The following BBS9 variants were observed in gnomAD, a reference collection of about 807,000 sequenced individuals.
BBS9 encodes the protein Bardet-Biedl syndrome 9, also known as protein PTHB1.
Under a neutral mutation model 117.7 loss-of-function variants are expected in BBS9, and 89 were observed. That is an observed-to-expected ratio of 0.76 (90% CI 0.64 to 0.90). The LOEUF (loss-of-function observed/expected upper bound fraction) is 0.90. Among genes scored for constraint, BBS9 ranks in the 40% least tolerant of loss-of-function variants. The probability of loss-of-function intolerance (pLI) is 0.00; values close to 1 mark genes in which losing one functional copy is unlikely to be tolerated. For synonymous variants in BBS9, 379 were observed against 370.9 expected (o/e 1.02, Z -0.25); for missense variants, 982 against 1,042.2 (o/e 0.94, Z 0.80).
At chr7:33,590,459 G>GTTTTTTTGTTTTTGTTTTTTTTTTTTT (rs1554551689) in intron 21 of BBS9, among the ~76,000 whole-genome samples, 3 of 101,506 alleles carry the variant, frequency 3.0e-5, no homozygotes, top group African/African-American at 4.0e-5. Flanking sequence ...TTGTTTTTTT[G>GTTTTTTTGTTTTTGTTTTTTTTTTTTT]TTTTTTTTTT....
intron 20 of BBS9, among the ~76,000 whole-genome samples, chr7:33,512,594 G>C (rs1172210216): frequency 1.3e-5 from 2 of 152,200 alleles, no homozygotes; most frequent in Non-Finnish European, 2.9e-5. Flanking sequence ...TTCCTGGCTA[G>C]AGGTGTGTTT....
chr7:33,561,912 A>C (rs919642539), intron 21 of BBS9, among the ~76,000 whole-genome samples: 2 of 152,228 alleles, frequency 1.3e-5, no homozygotes, highest in Admixed American at 6.5e-5. Context: ...TATTGATTCA[A>C]AGATATTACA....
chr7:33,563,592 G>A (rs1183988900), intron 21 of BBS9, among the ~76,000 whole-genome samples: 1 of 152,116 alleles, frequency 6.6e-6, no homozygotes, highest in African/African-American at 2.4e-5. Flanking sequence ...TGGTGCTTTT[G>A]CTGCCAAAGA....
intron 6 of BBS9, among the ~76,000 whole-genome samples, chr7:33,258,293 G>C (rs1797418602): frequency 6.6e-6 from 1 of 152,190 alleles, no homozygotes; most frequent in Non-Finnish European, 1.5e-5. Context: ...TTATTCCCAA[G>C]ATGGGAAGAA....
chr7:33,285,723 A>G (rs1017251936), intron 9 of BBS9, among the ~76,000 whole-genome samples: 2 of 152,180 alleles, frequency 1.3e-5, no homozygotes, highest in African/African-American at 4.8e-5. Flanking sequence ...CACTACTTTC[A>G]TAAACTGTAG....
chr7:33,212,109 A>G (rs571669395), intron 5 of BBS9, among the ~76,000 whole-genome samples: 6 of 152,200 alleles, frequency 3.9e-5, no homozygotes, highest in African/African-American at 1.2e-4. Flanking sequence ...GAATGTTGAT[A>G]TATTTCTCTA....
At chr7:33,207,216 A>G (rs1787088749) in intron 5 of BBS9, among the ~76,000 whole-genome samples, 2 of 152,200 alleles carry the variant, frequency 1.3e-5, no homozygotes, top group Non-Finnish European at 2.9e-5. Flanking sequence ...TTTGCTTTTC[A>G]TCAACATTCC....
chr7:33,231,286 G>A (rs963035132), intron 5 of BBS9, among the ~76,000 whole-genome samples: 14 of 152,178 alleles, frequency 9.2e-5, no homozygotes, highest in African/African-American at 2.9e-4. Flanking sequence ...CTACAGGCAT[G>A]TGCCACTGTG....
chr7:33,331,238 C>G (rs976645543), intron 9 of BBS9, among the ~76,000 whole-genome samples: 1 of 152,056 alleles, frequency 6.6e-6, no homozygotes, highest in Non-Finnish European at 1.5e-5. Flanking sequence ...GATAAAAACT[C>G]TCAATAAAAT....
At chr7:33,554,887 A>T (rs1261981283) in intron 21 of BBS9, among the ~76,000 whole-genome samples, 1 of 152,312 alleles carries the variant, frequency 6.6e-6, no homozygotes, top group East Asian at 1.9e-4. Flanking sequence ...GAAATTGAAG[A>T]GAAGCAGCCA....
At chr7:33,143,333 C>A (rs1363768481) in intron 1 of BBS9, among the ~76,000 whole-genome samples, 2 of 152,064 alleles carry the variant, frequency 1.3e-5, no homozygotes, top group Non-Finnish European at 2.9e-5. Context: ...TTTTATATTC[C>A]CACCAACAGC....
intron 19 of BBS9, among the ~76,000 whole-genome samples, chr7:33,398,586 A>G (rs184379503): frequency 2.6e-5 from 4 of 152,308 alleles, no homozygotes; most frequent in Admixed American, 2.0e-4. Flanking sequence ...TGTATTCACT[A>G]TCTGTGTGTG....
intron 1 of BBS9, among the ~76,000 whole-genome samples, chr7:33,142,589 A>C (rs10951377): frequency 0.15 from 22,413 of 152,152 alleles, 1,942 homozygotes; most frequent in South Asian, 0.21. Flanking sequence ...ACCTATTAAC[A>C]GTTCTCCTTT....
At chr7:33,164,966 C>T (rs1795432958) in intron 4 of BBS9, among the ~76,000 whole-genome samples, 1 of 152,088 alleles carries the variant, frequency 6.6e-6, no homozygotes, top group African/African-American at 2.4e-5. Flanking sequence ...GTGGCTGATA[C>T]CGGTCTTTCC....
At chr7:33,203,097 G>A (rs1201491352) in intron 5 of BBS9, among the ~76,000 whole-genome samples, 2 of 152,158 alleles carry the variant, frequency 1.3e-5, no homozygotes, top group African/African-American at 4.8e-5. Context: ...TATACTCTGT[G>A]GGCCCACATC....
At chr7:33,178,688 G>A (rs1390067081) in intron 5 of BBS9, among the ~76,000 whole-genome samples, 6 of 151,962 alleles carry the variant, frequency 3.9e-5, no homozygotes, top group African/African-American at 1.5e-4. Flanking sequence ...TGTTTTATGA[G>A]TTCATTGTTT....
Position 33,412,263 on chromosome 7 carries a change from G to A in BBS9, c.2115+24119G>A, listed in dbSNP as rs1024322937. On this transcript the variant is annotated intron_variant, in intron 19 of 22. Transcript: ENST00000242067. ...TTTAGTTGAATTGGATTTTCAGTCTGTTTTTAGTTCATCTCCAGAGTAGGA... is the reference window on the plus strand; with the variant it reads ...TTTAGTTGAATTGGATTTTCAGTCTATTTTTAGTTCATCTCCAGAGTAGGA... Among the ~76,000 whole-genome samples, 11 of 152,240 alleles carry A rather than the reference G, an allele frequency of 7.2e-5. No homozygotes were observed. In the East Asian group the frequency reaches 1.4e-3, roughly 19 times the overall value.
intron 20 of BBS9, among the ~76,000 whole-genome samples, chr7:33,512,428 A>T (rs1198177553): frequency 6.6e-6 from 1 of 152,230 alleles, no homozygotes; most frequent in African/African-American, 2.4e-5. Context: ...AAAACAAATA[A>T]AGAATTAATT....
chr7:33,588,768 G>A (rs1861382602), intron 21 of BBS9, among the ~76,000 whole-genome samples: 1 of 152,100 alleles, frequency 6.6e-6, no homozygotes, highest in African/African-American at 2.4e-5. Flanking sequence ...AAGAAGGTGA[G>A]GGAATTATTC....
Sources: allele counts gnomAD v4.1 joint callset (sites outside exome capture counted in the v4.1 genomes callset), GRCh38; gene constraint gnomAD v4.1.1; transcripts MANE v1.5; gene names NCBI Gene and HGNC (gene_info 2026-07-23, HGNC 2026-07-21).